DCAKD: variants seen among roughly 807,000 people sequenced by gnomAD.
DCAKD encodes dephospho-CoA kinase domain containing, also known as dephospho-CoA kinase domain-containing protein.
Under a neutral mutation model 18.7 loss-of-function variants are expected in DCAKD, and 15 were observed. The observed-to-expected ratio is 0.80, with a 90% CI of 0.54 to 1.24. The LOEUF is 1.24. Ranked by LOEUF, DCAKD falls within the 50% of genes most tolerant of loss-of-function variation. The pLI is 0.00. For synonymous variants in DCAKD, 130 were observed against 133.0 expected (o/e 0.98, Z 0.16); for missense variants, 301 against 322.0 (o/e 0.93, Z 0.50).
At chr17:45,026,621 T>A (rs540880564) in intron 4 of DCAKD, 2 of 985,402 alleles carry the variant, frequency 2.0e-6, no homozygotes, top group South Asian at 9.4e-5. Flanking sequence ...CCTTGGCAGT[T>A]TGGTCCCTTC....
In DCAKD at chr17:45,024,586, C is replaced by T; in HGVS notation, c.543G>A (p.Glu181=). 6.2e-7 allele frequency: 1 copy of T among 1,614,224 alleles called. No homozygotes were observed. Among genetic ancestry groups the T allele is most frequent in the Non-Finnish European group, 8.5e-7 (1 of 1,180,032 alleles). The change falls in exon 5 of 5, where the codon GAG becomes GAA. Residue 181 remains glutamate (E), a synonymous_variant. Coordinates refer to ENST00000651974, the MANE Select transcript of DCAKD (RefSeq NM_001288655.2). ...TGACCTGGCGTTTGGTGACACTCCA[C>T]TCGCCCGAGTTGTCTAGGACATGGC... is the stretch of plus-strand genomic sequence containing the variant. The part of the protein sequence containing the change: ...MARHVLDNSG[E]WSVTKRQVIL...
chr17:45,044,724 T>G (rs2053526145), intron 1 of DCAKD, among the ~76,000 whole-genome samples: 1 of 126,420 alleles, frequency 7.9e-6, no homozygotes, highest in South Asian at 2.7e-4. Flanking sequence ...AATAAATAAA[T>G]AAATAAATAA....
At chr17:45,051,704 CG>C (rs2053702788), upstream of DCAKD, 1 of 105,546 alleles carries the variant, frequency 9.5e-6, no homozygotes, top group Admixed American at 9.7e-5. Flanking sequence ...GTTGGACGGG[CG>C]GGGCCGGGAG....
intron 1 of DCAKD, among the ~76,000 whole-genome samples, chr17:45,058,008 CAAA>C (rs1183133616): frequency 6.3e-3 from 182 of 28,976 alleles, no homozygotes; most frequent in African/African-American, 0.023. Context: ...GATTCCGTCT[CAAA>C]AAAAAAAAAA....
chr17:45,036,091 C>T (rs2053290868), intron 1 of DCAKD, among the ~76,000 whole-genome samples: 1 of 152,214 alleles, frequency 6.6e-6, no homozygotes, highest in Admixed American at 6.5e-5. Flanking sequence ...CAAGCAGCGG[C>T]AGCACGGCAC....
rs554644948 is a variant in DCAKD at position 45,026,468 on chromosome 17, T to G, written c.405-1744A>C. 7.7e-4 allele frequency: 200 copies of G among 261,354 alleles called. 1 individual carries two copies. Among genetic ancestry groups the G allele is most frequent in the African/African-American group, 4.5e-3 (192 of 42,720 alleles). The allele number at this position is 261,354 out of a possible 1,614,324, so 16.2% of individuals were successfully genotyped here. A position where few individuals can be genotyped will look rare whatever the true frequency, so the allele number is the denominator to read the frequency against. ...GTCTCGATCTCCTGACCTTGTGATC[T>G]GCCTGCCTCGGCCTCCCAAAGTGCT... On this transcript the variant is annotated intron_variant, in intron 4 of 4. Transcript: ENST00000651974.
At chr17:45,059,131 T>C (rs935254640) in intron 1 of DCAKD, among the ~76,000 whole-genome samples, 6 of 151,934 alleles carry the variant, frequency 3.9e-5, no homozygotes, top group Non-Finnish European at 7.4e-5. Context: ...TCCCAGCTAC[T>C]TGGGAGGCTG....
rs143760909 is a variant in DCAKD at position 45,024,190 on chromosome 17, G to A, written c.*243C>T. The A allele has an allele frequency of 2.5e-4, 125 of 509,678 alleles. No individual in the cohort carries two copies. In the East Asian group the frequency reaches 3.3e-3, roughly 13 times the overall value. 31.6% of individuals were successfully genotyped at this position (509,678 alleles called of 1,614,324 possible). A position where few individuals can be genotyped will look rare whatever the true frequency, so the allele number is the denominator to read the frequency against. On this transcript the variant is annotated 3_prime_UTR_variant, in exon 5 of 5. Transcript: ENST00000651974. ...GTTCTGTAGGTGCTGCTCAGGGAAG[G>A]TGGGAAGGACAGCAGGCTATTTCTT...
chr17:45,046,615 CAAAAA>C (rs746591313), intron 1 of DCAKD, among the ~76,000 whole-genome samples: 45 of 50,150 alleles, frequency 9.0e-4, no homozygotes, highest in South Asian at 7.9e-4. Flanking sequence ...GATTCCATCT[CAAAAA>C]AAAAAAAAAA....
intron 1 of DCAKD, among the ~76,000 whole-genome samples, chr17:45,043,772 T>C (rs2053494961): frequency 6.6e-6 from 1 of 152,154 alleles, no homozygotes; most frequent in African/African-American, 2.4e-5. Context: ...TATACAATTC[T>C]GGGTTTTTCT....
chr17:45,030,011 G>T (rs1322736442), intron 4 of DCAKD, 81 bp downstream of exon 4: 1 of 1,358,810 alleles, frequency 7.4e-7, no homozygotes, highest in Non-Finnish European at 1.1e-6. Flanking sequence ...GTGGGGAAAG[G>T]GCAAAGTGCA....
At position 45,024,405 on chromosome 17, in the gene DCAKD, C is replaced by G; in HGVS notation, c.*28G>C. 1 of 1,574,976 alleles carries G rather than the reference C, an allele frequency of 6.3e-7. No individual in the cohort carries two copies. Among genetic ancestry groups the G allele is most frequent in the Non-Finnish European group, 8.7e-7 (1 of 1,154,672 alleles). ...CAGCCTCCAAGGAGATAGATGGAGG[C>G]CTGGGGCTCCCTGCCTTGAGTGCCC... is the stretch of plus-strand genomic sequence containing the variant. On this transcript the variant is annotated 3_prime_UTR_variant, in exon 5 of 5. Transcript: ENST00000651974.
rs1048972047 is a variant in DCAKD at position 45,043,248 on chromosome 17, T to A, written c.-115+8113A>T. On this transcript the variant is annotated intron_variant, in intron 1 of 4. Transcript: ENST00000651974. ...TCCAGCCTGGGTGACAGAGTGAGAC[T>A]CTGTCTCCAAAAAAAAAAAAAAGAT... Among the ~76,000 whole-genome samples the A allele has an allele frequency of 1.3e-4, 20 of 150,586 alleles. No individual in the cohort carries two copies. The Middle Eastern group carries it at 0.014, about 103-fold the overall frequency.
chr17:45,041,092 C>A lies in DCAKD; in HGVS notation c.-114-6093G>T, dbSNP rs190278022. Reference sequence around the variant, plus strand: ...CCACTCCAGTAGCCTCATGACCTGACCCCCTCGTCCCGGCCTGGCTTCTCC... The same window carrying A: ...CCACTCCAGTAGCCTCATGACCTGAACCCCTCGTCCCGGCCTGGCTTCTCC... On this transcript the variant is annotated intron_variant, in intron 1 of 4. Transcript: ENST00000651974. Among the ~76,000 whole-genome samples, 219 of 152,230 alleles carry A rather than the reference C, an allele frequency of 1.4e-3. 2 individuals carry two copies. Among genetic ancestry groups the A allele is most frequent in the Middle Eastern group, 0.014 (4 of 294 alleles).
chr17:45,034,779 C>T lies in DCAKD; in HGVS notation c.107G>A (p.Arg36Gln), dbSNP rs1436839194. 2 of 1,614,042 alleles carry T rather than the reference C, an allele frequency of 1.2e-6. No individual in the cohort carries two copies. The highest frequency in any genetic ancestry group is 1.1e-5 in the South Asian group (1 of 91,038). The change falls in exon 2 of 5, where the codon CGG becomes CAG. Residue 36 changes from arginine to glutamine, a missense_variant. Coordinates refer to ENST00000651974, the MANE Select transcript of DCAKD (RefSeq NM_001288655.2). ...AACCTGCCCCTCCAACTCACCGTGC[C>T]GGGCCATCACGTCCACGTCAATCAC... ...CAVIDVDVMA[R>Q]HVVQPGYPAH...
rs2053244642 is a variant in DCAKD, at chr17:45,034,457, C to T, written c.113-67G>A. The T allele has an allele frequency of 3.8e-6, 6 of 1,566,120 alleles. No homozygotes were observed. The East Asian group carries it at 1.1e-4, about 30-fold the overall frequency. On this transcript the variant is annotated intron_variant, in intron 2 of 4. Coordinates refer to ENST00000651974, the MANE Select transcript of DCAKD (RefSeq NM_001288655.2). ...AGGGCCAGTCAGAGGACCTCAGTGA[C>T]CAGGGGCAAAATGATGGGGGAACTC... is the stretch of plus-strand genomic sequence containing the variant.
chr17:45,027,894 G>A (rs1257182308), intron 4 of DCAKD, among the ~76,000 whole-genome samples: 1 of 151,488 alleles, frequency 6.6e-6, no homozygotes, highest in Admixed American at 6.6e-5. Context: ...GCTGAGGCAG[G>A]AGAATCACTT....
In DCAKD at chr17:45,034,236, G is replaced by A. The variant is rs59549223; in HGVS notation, c.267C>T (p.Pro89=). 2.0e-3 allele frequency: 3,174 copies of A among 1,614,056 alleles called. 55 individuals are homozygous for A. In the African/African-American group the frequency reaches 0.037, roughly 19 times the overall value. ...RRQLLNAITH[P]EIRKEMMKET... ...CCTTCATCATCTCCTTGCGAATCTC[G>A]GGGTGGGTGATGGCGTTGAGCAGCT... is the stretch of plus-strand genomic sequence containing the variant. Residue 89 remains proline, a synonymous_variant, in exon 3 of 5, where the codon CCC becomes CCT. Coordinates refer to ENST00000651974, the MANE Select transcript of DCAKD (RefSeq NM_001288655.2).
At chr17:45,060,510 A>T (rs1258857814) in intron 1 of DCAKD, among the ~76,000 whole-genome samples, 2 of 152,112 alleles carry the variant, frequency 1.3e-5, no homozygotes, top group Admixed American at 6.6e-5. Context: ...GGCCGTATTT[A>T]AAAAAGAAAA....
Sources: allele counts gnomAD v4.1 joint callset (sites outside exome capture counted in the v4.1 genomes callset), GRCh38; gene constraint gnomAD v4.1.1; transcripts MANE v1.5; gene names NCBI Gene and HGNC (gene_info 2026-07-23, HGNC 2026-07-21).